Variants in FBXO3 observed in about 807,000 individuals in gnomAD.
The protein encoded by FBXO3 is F-box only protein 3.
Under a neutral mutation model 64.8 loss-of-function variants are expected in FBXO3, and 17 were observed. The observed-to-expected ratio is 0.26, with a 90% CI of 0.18 to 0.39. The LOEUF (loss-of-function observed/expected upper bound fraction) is 0.39. Ranked by LOEUF, FBXO3 falls within the 10% of genes least tolerant of loss-of-function variation. The probability of loss-of-function intolerance (pLI) is 1.00; values close to 1 mark genes in which losing one functional copy is unlikely to be tolerated. For missense variants in FBXO3, 420 were observed against 589.9 expected, an observed-to-expected ratio of 0.71 and a Z score of 2.98; for synonymous variants, 182 against 201.6, an observed-to-expected ratio of 0.90 and a Z score of 0.82.
chr11:33,763,630 A>C (rs1161774363), intron 3 of FBXO3, among the ~76,000 whole-genome samples: 25 of 79,136 alleles, frequency 3.2e-4, no homozygotes, highest in African/African-American at 1.5e-3. Flanking sequence ...TATCTACAAA[A>C]AAAAAAAAAA....
chr11:33,748,709 T>TCC, intron 9 of FBXO3, 68 bp downstream of exon 9: 1 of 964,254 alleles, frequency 1.0e-6, no homozygotes, highest in Non-Finnish European at 1.6e-6. Flanking sequence ...ATATGTTATA[T>TCC]TTAGGATGCA....
intron 2 of FBXO3, among the ~76,000 whole-genome samples, chr11:33,769,849 G>C (rs1855467380): frequency 8.9e-6 from 1 of 112,174 alleles, no homozygotes; most frequent in African/African-American, 3.0e-5. Flanking sequence ...AACAACTCAG[G>C]GTGGGTTTTT....
Position 33,747,156 on chromosome 11 carries a change from T to C in FBXO3, c.1213A>G (p.Thr405Ala), listed in dbSNP as rs778826011. The C allele has an allele frequency of 3.7e-6, 6 of 1,607,940 alleles. No homozygotes were observed. The South Asian group carries it at 5.5e-5, about 15-fold the overall frequency. The change falls in exon 10 of 11, where the codon ACA (threonine) becomes GCA (alanine). Residue 405 changes from threonine to alanine, a missense_variant. Thr to Ala is a moderately conservative substitution (Grantham distance 58, BLOSUM62 0). Transcript: ENST00000265651. ...AIPRFHMACP[T>A]FRVSIARLEM... ...AATCGGGCTATAGACACCCTGAATG[T>C]TGGACATGCCATATGGAATCGGGGA...
intron 4 of FBXO3, among the ~76,000 whole-genome samples, chr11:33,757,276 C>A (rs1855121259): frequency 6.6e-6 from 1 of 151,852 alleles, no homozygotes; most frequent in African/African-American, 2.4e-5. Flanking sequence ...CCATTCAAAG[C>A]ATATATGCCT....
In FBXO3 at chr11:33,741,959, C is replaced by T; in HGVS notation, c.1365G>A (p.Arg455=). 6.2e-7 allele frequency: 1 copy of T among 1,613,980 alleles called. No individual in the cohort carries two copies. The highest frequency in any genetic ancestry group is 1.1e-5 in the South Asian group (1 of 91,038). The change falls in exon 11 of 11, where the codon AGG becomes AGA. Residue 455 remains arginine (R), a synonymous_variant. Transcript: ENST00000265651. ...SDEDDEEERR[R]RVFDVPIRRR... ...TGCGAATGGGAACATCAAAGACTCT[C>T]CTCCGTCTCTCCTCTTCATCATCTT...
chr11:33,744,475 A>G (rs1180584125), intron 10 of FBXO3: 1 of 152,214 alleles, frequency 6.6e-6, no homozygotes, highest in Non-Finnish European at 1.5e-5. Context: ...CATTCCAAGG[A>G]GAAAGAAAAA....
chr11:33,759,930 A>G (rs1057377248), intron 3 of FBXO3, among the ~76,000 whole-genome samples: 1 of 152,242 alleles, frequency 6.6e-6, no homozygotes, highest in Non-Finnish European at 1.5e-5. Context: ...AGGGTTTAAC[A>G]GCAAATCATA....
intron 1 of FBXO3, chr11:33,774,067 G>A: frequency 3.4e-6 from 1 of 295,252 alleles, no homozygotes; most frequent in Non-Finnish European, 6.5e-6. Flanking sequence ...CACCTGCGGG[G>A]CCAGCGGGGG....
In FBXO3 at chr11:33,765,670, G is replaced by T. The variant is rs111788994; in HGVS notation, c.358+3181C>A. On this transcript the variant is annotated intron_variant, in intron 3 of 10. Coordinates refer to ENST00000265651, the MANE Select transcript of FBXO3 (RefSeq NM_012175.4). ...TGAACTGTAATCCCCAATATTGGAG[G>T]GGGGCCTGGTGGGAGGTGATTGGAT... Among the ~76,000 whole-genome samples the T allele has an allele frequency of 4.4e-3, 665 of 152,268 alleles. 1 individual carries two copies. The highest frequency in any genetic ancestry group is 7.8e-3 in the Non-Finnish European group (530 of 68,008).
intron 1 of FBXO3, chr11:33,771,585 T>C (rs939551402): frequency 6.6e-6 from 1 of 152,234 alleles, no homozygotes; most frequent in Non-Finnish European, 1.5e-5. Flanking sequence ...TTATATTAAT[T>C]GAAAGTAGGT....
chr11:33,765,430 T>C (rs939270417), intron 3 of FBXO3, among the ~76,000 whole-genome samples: 1 of 152,114 alleles, frequency 6.6e-6, no homozygotes, highest in Non-Finnish European at 1.5e-5. Flanking sequence ...ACATGTAACA[T>C]TAACAAACTA....
intron 3 of FBXO3, among the ~76,000 whole-genome samples, chr11:33,764,519 G>A (rs796769441): frequency 6.6e-6 from 1 of 151,990 alleles, no homozygotes; most frequent in African/African-American, 2.4e-5. Flanking sequence ...GATATAATGT[G>A]AGGAGAAGGG....
chr11:33,758,106 T>C (rs1055451346), intron 4 of FBXO3, among the ~76,000 whole-genome samples: 2 of 152,178 alleles, frequency 1.3e-5, no homozygotes, highest in Non-Finnish European at 2.9e-5. Flanking sequence ...GCTCTTTACA[T>C]GTATAGTAGG....
At position 33,755,785 on chromosome 11, in the gene FBXO3, A is replaced by G; in HGVS notation, c.664T>C (p.Phe222Leu). ...GTTCTACTTACTGGACATTGGTAGA[A>G]AACTTCATTTTTGTTTCGGCCCTCT... Reference protein sequence around the residue: ...AAEGRNKNEVFYQCPDQMARN... With the variant: ...AAEGRNKNEVLYQCPDQMARN... The change falls in exon 5 of 11, where the codon TTC (phenylalanine) becomes CTC (leucine). Residue 222 changes from phenylalanine (F) to leucine (L), a missense_variant. Phe to Leu is a conservative substitution (Grantham distance 22). Coordinates refer to ENST00000265651, the MANE Select transcript of FBXO3 (RefSeq NM_012175.4). 1 of 1,613,836 alleles carries G rather than the reference A, an allele frequency of 6.2e-7. No homozygotes were observed. Among genetic ancestry groups the G allele is most frequent in the Non-Finnish European group, 8.5e-7 (1 of 1,179,846 alleles).
rs569646633 is a variant in FBXO3, at chr11:33,749,767, G to A, written c.932+772C>T. On this transcript the variant is annotated intron_variant, in intron 8 of 10. Coordinates refer to ENST00000265651, the MANE Select transcript of FBXO3 (RefSeq NM_012175.4). The stretch of plus-strand genomic sequence containing the variant: ...TTTGAGTACCCTATAAGTATGTGTT[G>A]GTATTTTTATTTTGAGCACATCTCA... Among the ~76,000 whole-genome samples, 154 of 152,092 alleles carry A rather than the reference G, an allele frequency of 1.0e-3. 1 individual carries two copies. The highest frequency in any genetic ancestry group is 3.6e-3 in the African/African-American group (151 of 41,478).
At chr11:33,746,875 A>C in intron 10 of FBXO3, 1 of 1,416,936 alleles carries the variant, frequency 7.1e-7, no homozygotes. Context: ...TATTTCTCAT[A>C]ATCTACATTT....
intron 3 of FBXO3, chr11:33,763,262 G>T (rs1351624152): frequency 2.2e-6 from 1 of 448,742 alleles, no homozygotes; most frequent in Non-Finnish European, 4.5e-6. Context: ...GTTTTATAAG[G>T]CCAGCATCAT....
intron 3 of FBXO3, among the ~76,000 whole-genome samples, chr11:33,767,862 G>C (rs544671210): frequency 6.6e-6 from 1 of 152,288 alleles, no homozygotes; most frequent in Admixed American, 6.5e-5. Context: ...TCTAAGAAAA[G>C]GAGCTATTCA....
chr11:33,770,698 C>G (rs1431783161), intron 2 of FBXO3, 43 bp downstream of exon 2: 1 of 1,487,760 alleles, frequency 6.7e-7, no homozygotes, highest in East Asian at 2.3e-5. Context: ...ATGGAAGAAG[C>G]CAAGGGCCAG....
Sources: gnomAD v4.1 joint callset for allele counts (sites outside exome capture counted in the v4.1 genomes callset) on GRCh38, gnomAD v4.1.1 for gene constraint, MANE v1.5 for transcripts, NCBI Gene and HGNC (gene_info 2026-07-23, HGNC 2026-07-21) for gene names.